Variants in TEAD1 observed in about 807,000 individuals in gnomAD.
TEAD1 encodes the protein transcriptional enhancer factor TEF-1.
Under a neutral mutation model 54.9 loss-of-function variants are expected in TEAD1, and 9 were observed. The observed-to-expected ratio is 0.16, with a 90% CI of 0.10 to 0.29. The LOEUF is 0.29. Among genes scored for constraint, TEAD1 ranks in the 10% least tolerant of loss-of-function variants. The probability of loss-of-function intolerance (pLI) is 1.00; values close to 1 mark genes in which losing one functional copy is unlikely to be tolerated. For synonymous variants in TEAD1, 200 were observed against 187.8 expected, an observed-to-expected ratio of 1.07 and a Z score of -0.53; for missense variants, 387 against 535.9, an observed-to-expected ratio of 0.72 and a Z score of 2.74.
intron 2 of TEAD1, among the ~76,000 whole-genome samples, chr11:12,762,378 A>G (rs1945119993): frequency 6.6e-6 from 1 of 152,174 alleles, no homozygotes; most frequent in African/African-American, 2.4e-5. Flanking sequence ...AGACTCTTAG[A>G]TCGTAACGAA....
At chr11:12,904,839 GAT>G (rs1948491248) in intron 10 of TEAD1, 1 of 356,110 alleles carries the variant, frequency 2.8e-6, no homozygotes, top group African/African-American at 2.2e-5. Context: ...TATCGTACAT[GAT>G]CACCAAACTG....
chr11:12,906,806 T>G (rs1948530103), intron 10 of TEAD1, among the ~76,000 whole-genome samples: 1 of 152,304 alleles, frequency 6.6e-6, no homozygotes, highest in African/African-American at 2.4e-5. Context: ...ACAGCTGGCT[T>G]CTTTTACTTT....
intron 2 of TEAD1, among the ~76,000 whole-genome samples, chr11:12,743,136 T>G (rs1428350148): frequency 1.3e-5 from 2 of 152,232 alleles, no homozygotes; most frequent in Non-Finnish European, 2.9e-5. Context: ...CAAAAACATT[T>G]AGAAGAAATG....
intron 2 of TEAD1, among the ~76,000 whole-genome samples, chr11:12,708,490 G>A (rs547739989): frequency 6.3e-4 from 96 of 152,096 alleles, no homozygotes; most frequent in Non-Finnish European, 1.1e-3. Flanking sequence ...GATGGGGCTC[G>A]GGGGCAAATT....
chr11:12,696,470 C>T (rs896030928), intron 2 of TEAD1, among the ~76,000 whole-genome samples: 1 of 152,254 alleles, frequency 6.6e-6, no homozygotes, highest in South Asian at 2.1e-4. Context: ...TGCAGAGAGA[C>T]AAGGAAACAC....
In TEAD1 at chr11:12,788,774, A is replaced by G. The variant is rs533954155; in HGVS notation, c.202+24340A>G. Reference sequence around the variant, plus strand: ...TGTAAAAAATACTGAGTAAAATGCAATGTGTGCTAAAATGCATCTATATGT... The same window carrying G: ...TGTAAAAAATACTGAGTAAAATGCAGTGTGTGCTAAAATGCATCTATATGT... On this transcript the variant is annotated intron_variant, in intron 3 of 12. Coordinates refer to ENST00000527636, the MANE Select transcript of TEAD1 (RefSeq NM_021961.6). 4.6e-5 allele frequency among the ~76,000 whole-genome samples: 7 copies of G among 152,374 alleles called. No homozygotes were observed. The East Asian group carries it at 9.6e-4, about 21-fold the overall frequency.
chr11:12,712,966 G>A (rs533258867), intron 2 of TEAD1, among the ~76,000 whole-genome samples: 7 of 152,284 alleles, frequency 4.6e-5, no homozygotes, highest in Admixed American at 3.3e-4. Flanking sequence ...GGGTTCTCGG[G>A]TTGGTGACCA....
Position 12,743,449 on chromosome 11 carries a change from G to T in TEAD1, c.-54-20730G>T, listed in dbSNP as rs1016095171. Among the ~76,000 whole-genome samples the T allele has an allele frequency of 3.3e-5, 5 of 152,158 alleles. 1 individual carries two copies. On this transcript the variant is annotated intron_variant, in intron 2 of 12. Transcript: ENST00000527636. Reference sequence around the variant, plus strand: ...CTCAAAGTCTCCTGTGATTTAAGCAGATAGCTTTTATCCTTGGGGAACCAA... The same window carrying T: ...CTCAAAGTCTCCTGTGATTTAAGCATATAGCTTTTATCCTTGGGGAACCAA...
At chr11:12,853,347 A>G (rs188350427) in intron 3 of TEAD1, among the ~76,000 whole-genome samples, 1 of 152,298 alleles carries the variant, frequency 6.6e-6, no homozygotes, top group East Asian at 1.9e-4. Context: ...GGTGGGGACA[A>G]CACTGAACAC....
At chr11:12,820,111 T>C (rs1946509990) in intron 3 of TEAD1, among the ~76,000 whole-genome samples, 1 of 152,176 alleles carries the variant, frequency 6.6e-6, no homozygotes, top group South Asian at 2.1e-4. Flanking sequence ...TACTGTGGAA[T>C]ATAAACCTCT....
intron 10 of TEAD1, among the ~76,000 whole-genome samples, chr11:12,912,724 C>T (rs948209538): frequency 4.6e-5 from 7 of 152,304 alleles, no homozygotes; most frequent in African/African-American, 1.7e-4. Flanking sequence ...CTCCCATCCT[C>T]TTCTATCAAA....
intron 10 of TEAD1, among the ~76,000 whole-genome samples, chr11:12,907,181 A>G (rs978919017): frequency 9.2e-5 from 14 of 152,084 alleles, no homozygotes; most frequent in Non-Finnish European, 1.6e-4. Flanking sequence ...TACAGATTAC[A>G]GGGGACATCT....
intron 3 of TEAD1, among the ~76,000 whole-genome samples, chr11:12,842,967 T>C (rs927895251): frequency 6.6e-6 from 1 of 152,244 alleles, no homozygotes; most frequent in African/African-American, 2.4e-5. Flanking sequence ...TTTTCAAATT[T>C]TGTTCTAATT....
intron 11 of TEAD1, among the ~76,000 whole-genome samples, chr11:12,929,298 A>G (rs2727358): frequency 0.64 from 97,171 of 151,002 alleles, 31,455 homozygotes; most frequent in South Asian, 0.73. Flanking sequence ...TTTTACTTGT[A>G]TGAAGAGTTT....
intron 10 of TEAD1, among the ~76,000 whole-genome samples, chr11:12,907,362 C>T (rs1271374704): frequency 6.6e-6 from 1 of 152,152 alleles, no homozygotes; most frequent in Non-Finnish European, 1.5e-5. Flanking sequence ...CAGTAGGGAG[C>T]AGTCGGTGTT....
chr11:12,889,927 G>T (rs1948165383), intron 9 of TEAD1, among the ~76,000 whole-genome samples: 2 of 152,016 alleles, frequency 1.3e-5, no homozygotes, highest in South Asian at 4.2e-4. Flanking sequence ...TTACTATGTT[G>T]CCCAAGCTGG....
intron 10 of TEAD1, among the ~76,000 whole-genome samples, chr11:12,907,053 T>A (rs1469049850): frequency 6.6e-6 from 1 of 152,150 alleles, no homozygotes; most frequent in Non-Finnish European, 1.5e-5. Flanking sequence ...TAACTCTATG[T>A]TTAACATTTT....
At chr11:12,873,898 G>A (rs1326132649) in intron 5 of TEAD1, among the ~76,000 whole-genome samples, 1 of 152,234 alleles carries the variant, frequency 6.6e-6, no homozygotes, top group Admixed American at 6.5e-5. Flanking sequence ...TTCTGAAAAA[G>A]TGATTGTGCA....
intron 3 of TEAD1, among the ~76,000 whole-genome samples, chr11:12,783,660 TGCTAAGACA>T (rs1324887645): frequency 6.6e-6 from 1 of 152,170 alleles, no homozygotes; most frequent in African/African-American, 2.4e-5. Flanking sequence ...CATGTCTGAT[TGCTAAGACA>T]GCTCACAGTC....
Sources: gnomAD v4.1 joint callset for allele counts (sites outside exome capture counted in the v4.1 genomes callset) on GRCh38, gnomAD v4.1.1 for gene constraint, MANE v1.5 for transcripts, NCBI Gene and HGNC (gene_info 2026-07-23, HGNC 2026-07-21) for gene names.